MIA2: variants seen among roughly 807,000 people sequenced by gnomAD.
MIA2 encodes the protein MIA SH3 domain ER export factor 2.
Under a neutral mutation model 167.8 loss-of-function variants are expected in MIA2, and 127 were observed. The observed-to-expected ratio is 0.76, with a 90% CI of 0.66 to 0.88. MIA2 has a LOEUF of 0.88. Ranked by LOEUF, MIA2 falls within the 40% of genes least tolerant of loss-of-function variation. The pLI, the probability that MIA2 is intolerant of heterozygous loss-of-function variation, is 0.00. For missense variants in MIA2, 1,690 were observed against 1,624.7 expected (o/e 1.04, Z -0.69); for synonymous variants, 552 against 541.9 (o/e 1.02, Z -0.26).
intron 23 of MIA2, among the ~76,000 whole-genome samples, chr14:39,371,618 T>C (rs181877108): frequency 3.7e-4 from 56 of 152,354 alleles, no homozygotes; most frequent in African/African-American, 1.3e-3. Flanking sequence ...GTTTTTTGTG[T>C]AATAGGAGAA....
At chr14:39,386,764 A>G (rs1595974779) in intron 23 of MIA2, 1 of 1,340,926 alleles carries the variant, frequency 7.5e-7, no homozygotes, top group South Asian at 1.2e-5. Context: ...TCTAACTGAA[A>G]TGCCCGCTTC....
chr14:39,246,082 T>TTTTTTTTATTTA (rs1555343286), intron 3 of MIA2, among the ~76,000 whole-genome samples: 1 of 143,304 alleles, frequency 7.0e-6, no homozygotes, highest in African/African-American at 2.6e-5. Context: ...TTTTAAAAAT[T>TTTTTTTTATTTA]TTTATTTATT....
At chr14:39,288,889 A>G (rs1191553036) in intron 9 of MIA2, among the ~76,000 whole-genome samples, 1 of 152,146 alleles carries the variant, frequency 6.6e-6, no homozygotes, top group Admixed American at 6.5e-5. Context: ...ATCAGTGTTC[A>G]TCAGAGATAT....
intron 3 of MIA2, among the ~76,000 whole-genome samples, chr14:39,242,798 T>C (rs879680685): frequency 5.9e-5 from 9 of 152,058 alleles, no homozygotes; most frequent in Non-Finnish European, 1.0e-4. Context: ...GGTAGTACTC[T>C]TGGGAATAGC....
chr14:39,314,501 G>C (rs2152941898), intron 19 of MIA2, among the ~76,000 whole-genome samples: 1 of 151,186 alleles, frequency 6.6e-6, no homozygotes, highest in South Asian at 2.1e-4. Flanking sequence ...TTGGGTTTAG[G>C]TAAACTCAAG....
chr14:39,308,625 A>G (rs762993810), intron 18 of MIA2, 38 bp downstream of exon 18: 1 of 1,451,734 alleles, frequency 6.9e-7, no homozygotes, highest in Admixed American at 2.3e-5. Flanking sequence ...AACAGCAAGT[A>G]AAATAGCTTT....
chr14:39,249,873 T>A (rs987012148), intron 4 of MIA2, among the ~76,000 whole-genome samples: 4 of 152,164 alleles, frequency 2.6e-5, no homozygotes, highest in Admixed American at 2.0e-4. Context: ...ACCAGGTGAT[T>A]TTTTTGAATT....
At position 39,314,806 on chromosome 14, in the gene MIA2, A is replaced by ATGTGTGTC; in HGVS notation, c.3180+8_3180+9insGTGTGTCT. On this transcript the variant is annotated splice_region_variant and intron_variant, in intron 20 of 28. Coordinates refer to ENST00000640607, the MANE Select transcript of MIA2 (RefSeq NM_001329214.4). ...TCATTCTTATCAAGGGCAGGTATAT[A>ATGTGTGTC]TATATGTGTGTGTGTGTGTGTGTGT... The ATGTGTGTC allele has an allele frequency of 7.2e-7, 1 of 1,384,460 alleles. No individual in the cohort carries two copies. Among genetic ancestry groups the ATGTGTGTC allele is most frequent in the Non-Finnish European group, 9.8e-7 (1 of 1,016,298 alleles). The allele number at this position is 1,384,460 out of a possible 1,614,324, so 85.8% of individuals were successfully genotyped here. A position where few individuals can be genotyped will look rare whatever the true frequency, so the allele number is the denominator to read the frequency against.
At chr14:39,282,127 A>C (rs1489171182) in intron 9 of MIA2, among the ~76,000 whole-genome samples, 2 of 152,172 alleles carry the variant, frequency 1.3e-5, no homozygotes, top group East Asian at 3.8e-4. Flanking sequence ...GTGATAATAT[A>C]ATAAAAATTG....
At chr14:39,378,656 A>G (rs2075092516) in intron 23 of MIA2, among the ~76,000 whole-genome samples, 1 of 152,224 alleles carries the variant, frequency 6.6e-6, no homozygotes. Context: ...CATCAGAATC[A>G]CAGGAATCTC....
chr14:39,371,111 A>G (rs1028061070), intron 23 of MIA2, among the ~76,000 whole-genome samples: 1 of 152,050 alleles, frequency 6.6e-6, no homozygotes, highest in East Asian at 1.9e-4. Flanking sequence ...AGTGTTTGTA[A>G]ATGGTCCATT....
At chr14:39,338,537 A>C (rs999095871) in intron 25 of MIA2, among the ~76,000 whole-genome samples, 1 of 152,204 alleles carries the variant, frequency 6.6e-6, no homozygotes, top group African/African-American at 2.4e-5. Flanking sequence ...TTATAATTTT[A>C]GCAGAAAAAA....
At chr14:39,330,678 G>T (rs996980778) in intron 25 of MIA2, among the ~76,000 whole-genome samples, 1 of 151,942 alleles carries the variant, frequency 6.6e-6, no homozygotes, top group African/African-American at 2.4e-5. Context: ...TGTTCTCATT[G>T]GTTTCAAATA....
chr14:39,282,470 C>T (rs982873243), intron 9 of MIA2, among the ~76,000 whole-genome samples: 1 of 152,152 alleles, frequency 6.6e-6, no homozygotes, highest in African/African-American at 2.4e-5. Flanking sequence ...CCCTCCAGGG[C>T]AGCTATAATG....
intron 2 of MIA2, 98 bp downstream of exon 2, chr14:39,237,153 C>A: frequency 7.5e-7 from 1 of 1,332,928 alleles, no homozygotes; most frequent in Non-Finnish European, 1.0e-6. Flanking sequence ...CAGGGCCTGG[C>A]TCTGTCGCCC....
At chr14:39,349,096 G>C in intron 28 of MIA2, 119 bp downstream of exon 28, 5 of 1,254,912 alleles carry the variant, frequency 4.0e-6, no homozygotes, top group Non-Finnish European at 5.5e-6. Context: ...AGCATTCTGT[G>C]AATCTGAAAA....
chr14:39,354,755 G>A (rs58227758), downstream of MIA2, among the ~76,000 whole-genome samples: 3,870 of 152,060 alleles, frequency 0.025, 145 homozygotes, highest in African/African-American at 0.084. Context: ...TAAGGAAGGG[G>A]TCCAGTTTCA....
At chr14:39,354,842 C>A (rs8021494), downstream of MIA2, among the ~76,000 whole-genome samples, 1 of 152,102 alleles carries the variant, frequency 6.6e-6, no homozygotes, top group Non-Finnish European at 1.5e-5. Context: ...TCTTGTTTTT[C>A]TCAGGTTTGT....
At chr14:39,385,695 T>C in intron 23 of MIA2, 1 of 972,524 alleles carries the variant, frequency 1.0e-6, no homozygotes, top group Non-Finnish European at 1.7e-6. Context: ...GGGCAGCTGC[T>C]AACAGTGGTA....
Sources: allele counts gnomAD v4.1 joint callset (sites outside exome capture counted in the v4.1 genomes callset), GRCh38; gene constraint gnomAD v4.1.1; transcripts MANE v1.5; gene names NCBI Gene and HGNC (gene_info 2026-07-23, HGNC 2026-07-21).